The following ASMT variants were observed in gnomAD, a reference collection of about 807,000 sequenced individuals.
The protein encoded by ASMT is acetylserotonin N-methyltransferase.
A neutral mutation model predicts 41.3 loss-of-function variants in ASMT; 53 were observed. The ratio of observed to expected loss-of-function variants is 1.28; its 90% CI spans 1.03 to 1.61. The LOEUF (loss-of-function observed/expected upper bound fraction) is 1.61. ASMT is among the 40% of genes most tolerant of loss of function. ASMT has a pLI of 0.00. For synonymous variants in ASMT, 231 were observed against 184.8 expected (o/e 1.25, Z -2.03); for missense variants, 531 against 441.3 (o/e 1.20, Z -1.82).
At chrX:1,631,300 C>T (rs56337127) in intron 5 of ASMT, among the ~76,000 whole-genome samples, 10,956 of 151,554 alleles carry the variant, frequency 0.072, 444 homozygotes, top group Admixed American at 0.1. Flanking sequence ...CCTCCTGCCT[C>T]GGCCTCCCAG....
chrX:1,616,733 G>T (rs1388945411), intron 1 of ASMT, among the ~76,000 whole-genome samples: 1 of 144,806 alleles, frequency 6.9e-6, no homozygotes. Context: ...TTTTGAGACA[G>T]AGTCTCGCTC....
At chrX:1,629,798 A>G (rs1233414272) in intron 4 of ASMT, 23 bp from the exon 5 acceptor site, 5 of 1,610,248 alleles carry the variant, frequency 3.1e-6, no homozygotes, top group Non-Finnish European at 4.2e-6. Flanking sequence ...CACCATCTTG[A>G]CAAGCGTGGT....
intron 8 of ASMT, 56 bp downstream of exon 8, chrX:1,636,616 C>G: frequency 1.2e-6 from 2 of 1,613,054 alleles, no homozygotes; most frequent in South Asian, 2.2e-5. Flanking sequence ...CAGAATTGTA[C>G]GAGTCACATT....
intron 3 of ASMT, among the ~76,000 whole-genome samples, chrX:1,625,778 C>G (rs1342464845): frequency 1.3e-5 from 2 of 151,200 alleles, no homozygotes; most frequent in Admixed American, 6.6e-5. Context: ...CACGGTGAAA[C>G]CCCGTCTCTA....
At chrX:1,628,874 C>T (rs1934660503) in intron 4 of ASMT, among the ~76,000 whole-genome samples, 1 of 151,126 alleles carries the variant, frequency 6.6e-6, no homozygotes, top group Non-Finnish European at 1.5e-5. Context: ...ATTTCACCTC[C>T]TTTTCTCCTC....
rs1214399569 is a variant in ASMT, at chrX:1,637,073, C to T, written c.910+513C>T. On this transcript the variant is annotated intron_variant, in intron 8 of 8. Transcript: ENST00000381241. Reference sequence around the variant, plus strand: ...TGGCACATGAGGATGTGGGCACAGCCTCTGTGTGTGAGATAAGGACTGTGT... The same window carrying T: ...TGGCACATGAGGATGTGGGCACAGCTTCTGTGTGTGAGATAAGGACTGTGT... Among the ~76,000 whole-genome samples, 3 of 103,342 alleles carry T rather than the reference C, an allele frequency of 2.9e-5. 1 individual carries two copies. Among genetic ancestry groups the T allele is most frequent in the South Asian group, 6.2e-4 (2 of 3,222 alleles). The allele number at this position is 103,342 out of a possible 152,430, so 67.8% of individuals were successfully genotyped here. A position where few individuals can be genotyped will look rare whatever the true frequency, so the allele number is the denominator to read the frequency against.
intron 1 of ASMT, among the ~76,000 whole-genome samples, chrX:1,617,881 A>G (rs1366738009): frequency 1.3e-5 from 2 of 152,054 alleles, no homozygotes; most frequent in Non-Finnish European, 2.9e-5. Context: ...ACTTTCTTCT[A>G]TCATGGCTGT....
At chrX:1,629,976 G>A in intron 5 of ASMT, 37 bp downstream of exon 5, 3 of 1,529,100 alleles carry the variant, frequency 2.0e-6, no homozygotes, top group Non-Finnish European at 2.7e-6. Flanking sequence ...CGGAGGTGTG[G>A]CTTCTGTTCT....
At chrX:1,621,564 C>T (rs1311502340) in intron 1 of ASMT, among the ~76,000 whole-genome samples, 2 of 152,062 alleles carry the variant, frequency 1.3e-5, no homozygotes, top group African/African-American at 2.4e-5. Context: ...GTGATCCGCC[C>T]ACCTCGGCCT....
chrX:1,618,267 A>G (rs1433758966), intron 1 of ASMT, among the ~76,000 whole-genome samples: 1 of 151,890 alleles, frequency 6.6e-6, no homozygotes, highest in Admixed American at 6.6e-5. Context: ...AGGTTCAAGC[A>G]ATTCCCCTGC....
At chrX:1,629,016 T>C (rs2149467119) in intron 4 of ASMT, among the ~76,000 whole-genome samples, 1 of 151,010 alleles carries the variant, frequency 6.6e-6, no homozygotes, top group South Asian at 2.1e-4. Context: ...TCTGCCTGCC[T>C]TCCTTCCTTC....
chrX:1,632,518 G>C (rs28496121), intron 5 of ASMT, among the ~76,000 whole-genome samples, 186 bp from the exon 6 acceptor site: 37,648 of 151,582 alleles, frequency 0.25, 5,255 homozygotes, highest in African/African-American at 0.42. Flanking sequence ...AGCTGGGCGT[G>C]GTGGCGGGCG....
chrX:1,636,117 G>C, intron 7 of ASMT: 1 of 368,222 alleles, frequency 2.7e-6, no homozygotes, highest in Non-Finnish European at 5.3e-6. Context: ...CATCACGCCC[G>C]GCTAATTTTT....
chrX:1,626,304 G>A (rs1173224057), intron 3 of ASMT, among the ~76,000 whole-genome samples: 7 of 146,224 alleles, frequency 4.8e-5, no homozygotes, highest in South Asian at 4.3e-4. Flanking sequence ...GTATGATCTC[G>A]ACTCACTGCA....
intron 3 of ASMT, among the ~76,000 whole-genome samples, chrX:1,625,225 C>G (rs1251248222): frequency 6.6e-6 from 1 of 151,648 alleles, no homozygotes; most frequent in Non-Finnish European, 1.5e-5. Flanking sequence ...CTGCCTCAGC[C>G]TCCCAAGTAG....
At chrX:1,628,574 C>A (rs1426853989) in intron 4 of ASMT, among the ~76,000 whole-genome samples, 1 of 151,506 alleles carries the variant, frequency 6.6e-6, no homozygotes, top group Non-Finnish European at 1.5e-5. Context: ...GCCTGCCCCC[C>A]AACCTCTCCT....
chrX:1,621,199 C>T (rs1315342278), intron 1 of ASMT, among the ~76,000 whole-genome samples: 4 of 152,184 alleles, frequency 2.6e-5, no homozygotes, highest in Non-Finnish European at 5.9e-5. Flanking sequence ...GACACGTGGC[C>T]TGAAGAAACC....
rs184661464 is a variant in ASMT at position 1,633,132 on chromosome X, G to C, written c.647-18G>C. 44 of 1,613,916 alleles carry C rather than the reference G, an allele frequency of 2.7e-5. No homozygotes were observed. The highest frequency in any genetic ancestry group is 3.6e-5 in the Non-Finnish European group (42 of 1,179,852). ...CAGGTTCATCTCTGAGGGTCAAACG[G>C]GCTGTGTCCCCTTCCAGGTGGGGCT... On this transcript the variant is annotated intron_variant, in intron 6 of 8. Coordinates refer to ENST00000381241, the MANE Select transcript of ASMT (RefSeq NM_001171038.2).
chrX:1,628,530 G>A (rs1934643673), intron 4 of ASMT, among the ~76,000 whole-genome samples: 1 of 152,048 alleles, frequency 6.6e-6, no homozygotes, highest in Non-Finnish European at 1.5e-5. Flanking sequence ...GAGTAGGGAA[G>A]GGTATGAAGG....
Sources: gnomAD v4.1 joint callset for allele counts (sites outside exome capture counted in the v4.1 genomes callset) on GRCh38, gnomAD v4.1.1 for gene constraint, MANE v1.5 for transcripts, NCBI Gene and HGNC (gene_info 2026-07-23, HGNC 2026-07-21) for gene names.